Variants in XKR4 observed in about 807,000 individuals in gnomAD.
XKR4 encodes XK related 4.
In XKR4, 12 loss-of-function variants were observed where a neutral mutation model predicts 53.9. That is an observed-to-expected ratio of 0.22 (90% CI 0.14 to 0.36). The LOEUF (loss-of-function observed/expected upper bound fraction) is 0.36. Among genes scored for constraint, XKR4 ranks in the 10% least tolerant of loss-of-function variants. XKR4 has a pLI of 1.00. For synonymous variants in XKR4, 354 were observed against 362.4 expected, an observed-to-expected ratio of 0.98 and a Z score of 0.26; for missense variants, 799 against 859.5, an observed-to-expected ratio of 0.93 and a Z score of 0.88.
At chr8:55,325,415 G>C (rs1438439379) in intron 1 of XKR4, among the ~76,000 whole-genome samples, 2 of 152,074 alleles carry the variant, frequency 1.3e-5, no homozygotes, top group Admixed American at 6.5e-5. Flanking sequence ...TTCCAAGCAG[G>C]GGGGCAGAAA....
At chr8:55,128,531 T>G (rs1816507336) in intron 1 of XKR4, among the ~76,000 whole-genome samples, 1 of 152,236 alleles carries the variant, frequency 6.6e-6, no homozygotes, top group South Asian at 2.1e-4. Flanking sequence ...AGTCTGACTT[T>G]GAGGCAAGCC....
rs1807088686 is a variant in XKR4 at position 55,540,625 on chromosome 8, C to T, written c.*16398C>T. The T allele has an allele frequency of 6.6e-6, 1 of 152,168 alleles. No homozygotes were observed. Among genetic ancestry groups the T allele is most frequent in the Non-Finnish European group, 1.5e-5 (1 of 68,030 alleles). The allele number at this position is 152,168 out of a possible 1,614,324, so 9.4% of individuals were successfully genotyped here. A position where few individuals can be genotyped will look rare whatever the true frequency, so the allele number is the denominator to read the frequency against. ...ATGCAAATTACATTTTTCCCATTCT[C>T]AGAACAAAGACAGCAACCAATGAGC... On this transcript the variant is annotated 3_prime_UTR_variant, in exon 3 of 3. Coordinates refer to ENST00000327381, the MANE Select transcript of XKR4 (RefSeq NM_052898.2).
At chr8:55,293,973 G>T (rs1213474465) in intron 1 of XKR4, among the ~76,000 whole-genome samples, 1 of 152,128 alleles carries the variant, frequency 6.6e-6, no homozygotes, top group Non-Finnish European at 1.5e-5. Context: ...TAACATCTAC[G>T]TTTTGATATC....
At chr8:55,501,487 AC>A (rs35792997) in intron 2 of XKR4, among the ~76,000 whole-genome samples, 64,306 of 151,614 alleles carry the variant, frequency 0.42, 15,666 homozygotes, top group African/African-American at 0.68. Context: ...CCTGGCAACC[AC>A]CATTCAACTT....
chr8:55,211,490 A>T (rs1266378362), intron 1 of XKR4, among the ~76,000 whole-genome samples: 5 of 152,184 alleles, frequency 3.3e-5, no homozygotes, highest in Admixed American at 1.3e-4. Context: ...TTCCAACTCA[A>T]ATTAGGTCTT....
chr8:55,209,840 A>G (rs1817705402), intron 1 of XKR4, among the ~76,000 whole-genome samples: 1 of 152,228 alleles, frequency 6.6e-6, no homozygotes, highest in Non-Finnish European at 1.5e-5. Context: ...TAAGATTTAA[A>G]TGGACAGACC....
intron 1 of XKR4, among the ~76,000 whole-genome samples, chr8:55,172,523 A>G (rs563634205): frequency 6.6e-6 from 1 of 152,314 alleles, no homozygotes; most frequent in African/African-American, 2.4e-5. Context: ...CATATATACA[A>G]TTTTCTAAAA....
chr8:55,521,870 T>G (rs550700119), intron 2 of XKR4, among the ~76,000 whole-genome samples: 3 of 152,338 alleles, frequency 2.0e-5, no homozygotes, highest in African/African-American at 7.2e-5. Context: ...CATTATAAGA[T>G]CTTGGCAATC....
intron 1 of XKR4, among the ~76,000 whole-genome samples, chr8:55,189,718 C>T (rs566753415): frequency 5.3e-5 from 8 of 152,284 alleles, no homozygotes; most frequent in Admixed American, 3.3e-4. Flanking sequence ...ACCAAAACAT[C>T]GTTATGCTGC....
In XKR4 at chr8:55,224,365, T is replaced by C. The variant is rs117323318; in HGVS notation, c.806+121071T>C. Reference sequence around the variant, plus strand: ...GTCTTGAAAGGAAGTTTACCTTTCATTGAAGCAATTTTAGAATTTGCAAAC... The same window carrying C: ...GTCTTGAAAGGAAGTTTACCTTTCACTGAAGCAATTTTAGAATTTGCAAAC... On this transcript the variant is annotated intron_variant, in intron 1 of 2. Transcript: ENST00000327381. 8.7e-3 allele frequency among the ~76,000 whole-genome samples: 1,332 copies of C among 152,310 alleles called. 14 individuals are homozygous for C. Among genetic ancestry groups the C allele is most frequent in the Middle Eastern group, 0.031 (9 of 294 alleles).
intron 2 of XKR4, chr8:55,453,478 G>T: frequency 2.5e-6 from 1 of 397,128 alleles, no homozygotes; most frequent in Non-Finnish European, 5.0e-6. Flanking sequence ...GGGAGATGCA[G>T]TTGCCCACGA....
intron 2 of XKR4, among the ~76,000 whole-genome samples, chr8:55,411,764 C>T (rs892185290): frequency 7.9e-5 from 12 of 152,044 alleles, no homozygotes; most frequent in African/African-American, 1.9e-4. Context: ...ACCAAGGTGG[C>T]GAAGTGGCCC....
At chr8:55,334,811 A>G (rs1803435358) in intron 1 of XKR4, among the ~76,000 whole-genome samples, 1 of 152,104 alleles carries the variant, frequency 6.6e-6, no homozygotes, top group Non-Finnish European at 1.5e-5. Flanking sequence ...TTTCCCTCAG[A>G]CACATGTCTG....
intron 2 of XKR4, among the ~76,000 whole-genome samples, chr8:55,377,764 T>C (rs555941619): frequency 1.3e-5 from 2 of 152,334 alleles, no homozygotes; most frequent in East Asian, 3.9e-4. Context: ...TAAGGACATC[T>C]ATAGGCTGTG....
chr8:55,486,319 A>G (rs2929021), intron 2 of XKR4, among the ~76,000 whole-genome samples: 2 of 152,044 alleles, frequency 1.3e-5, no homozygotes, highest in Non-Finnish European at 2.9e-5. Flanking sequence ...TCACCCAAAG[A>G]GCTGAGCTGT....
At position 55,361,455 on chromosome 8, in the gene XKR4, C is replaced by T. The variant is rs111863799; in HGVS notation, c.1006+3578C>T. On this transcript the variant is annotated intron_variant, in intron 2 of 2. Coordinates refer to ENST00000327381, the MANE Select transcript of XKR4 (RefSeq NM_052898.2). The stretch of plus-strand genomic sequence containing the variant: ...CAAAGATGCTGAGGAAGATGTGGTC[C>T]GAGGCCTGTCAGTTGTATCTTCCAG... Among the ~76,000 whole-genome samples, 113 of 152,162 alleles carry T rather than the reference C, an allele frequency of 7.4e-4. 1 individual carries two copies. Among genetic ancestry groups the T allele is most frequent in the African/African-American group, 2.6e-3 (106 of 41,514 alleles).
At chr8:55,241,014 G>A (rs1214061153) in intron 1 of XKR4, among the ~76,000 whole-genome samples, 2 of 152,162 alleles carry the variant, frequency 1.3e-5, no homozygotes, top group Non-Finnish European at 2.9e-5. Context: ...TCAGCCAGCA[G>A]GGCCAAGCAG....
At chr8:55,264,669 G>T (rs1345397402) in intron 1 of XKR4, among the ~76,000 whole-genome samples, 1 of 152,200 alleles carries the variant, frequency 6.6e-6, no homozygotes, top group African/African-American at 2.4e-5. Context: ...TTCATGGTTT[G>T]CAAGTTGTCC....
chr8:55,467,684 G>T (rs1805803841), intron 2 of XKR4, among the ~76,000 whole-genome samples: 1 of 152,186 alleles, frequency 6.6e-6, no homozygotes, highest in Non-Finnish European at 1.5e-5. Flanking sequence ...ACAGGCAAAT[G>T]TTGTTGGCTT....
Sources: gnomAD v4.1 joint callset for allele counts (sites outside exome capture counted in the v4.1 genomes callset) on GRCh38, gnomAD v4.1.1 for gene constraint, MANE v1.5 for transcripts, NCBI Gene and HGNC (gene_info 2026-07-23, HGNC 2026-07-21) for gene names.